GRM7: variants seen among roughly 807,000 people sequenced by gnomAD.
The protein encoded by GRM7 is glutamate metabotropic receptor 7, also known as metabotropic glutamate receptor 7.
GRM7 carries 35 observed loss-of-function variants against 84.5 expected under a neutral mutation model. The observed-to-expected ratio is 0.41, with a 90% CI of 0.32 to 0.55. GRM7 has a LOEUF of 0.55. GRM7 is among the 20% of genes least tolerant of loss of function. The pLI is 0.19. For missense variants in GRM7, 1,003 were observed against 1,194.6 expected, an observed-to-expected ratio of 0.84 and a Z score of 2.36; for synonymous variants, 487 against 455.1, an observed-to-expected ratio of 1.07 and a Z score of -0.89.
intron 9 of GRM7, among the ~76,000 whole-genome samples, chr3:7,732,981 A>G (rs1396958451): frequency 6.6e-6 from 1 of 152,188 alleles, no homozygotes; most frequent in African/African-American, 2.4e-5. Flanking sequence ...TTTAGACCAT[A>G]TAGAGTAACC....
chr3:7,488,858 C>CTTATTTATTTATTTATTTAT (rs3065639), intron 7 of GRM7, among the ~76,000 whole-genome samples: 2,435 of 147,562 alleles, frequency 0.017, 24 homozygotes, highest in East Asian at 0.029. Flanking sequence ...CTAGTAAGGT[C>CTTATTTATTTATTTATTTAT]TTATTTATTT....
In GRM7 at chr3:7,599,479, T is replaced by A. The variant is rs114702713; in HGVS notation, c.2451+20122T>A. ...GAAATCCTAGTCCTCAAAACATTTG[T>A]ATTCAGTTTTCACATTAACACCTGG... On this transcript the variant is annotated intron_variant, in intron 8 of 9. Coordinates refer to ENST00000357716, the MANE Select transcript of GRM7 (RefSeq NM_000844.4). 7.5e-3 allele frequency among the ~76,000 whole-genome samples: 1,144 copies of A among 152,238 alleles called. 12 individuals carry two copies. Among genetic ancestry groups the A allele is most frequent in the African/African-American group, 0.026 (1,087 of 41,550 alleles).
chr3:7,573,944 A>G (rs1425360023), intron 7 of GRM7, among the ~76,000 whole-genome samples: 1 of 152,194 alleles, frequency 6.6e-6, no homozygotes, highest in Admixed American at 6.5e-5. Context: ...CAATTAGTAG[A>G]TGGCCATGGA....
intron 8 of GRM7, among the ~76,000 whole-genome samples, chr3:7,618,144 C>A (rs992843586): frequency 6.6e-6 from 1 of 152,096 alleles, no homozygotes; most frequent in Admixed American, 6.6e-5. Context: ...TTATTACTTT[C>A]ATTTTTTATT....
chr3:7,426,201 C>A (rs1228158186), intron 5 of GRM7, among the ~76,000 whole-genome samples: 1 of 151,886 alleles, frequency 6.6e-6, no homozygotes, highest in Admixed American at 6.6e-5. Context: ...CTCACCACAA[C>A]CTCTGTCTCC....
chr3:7,332,807 C>A (rs1306494665), intron 4 of GRM7, among the ~76,000 whole-genome samples: 1 of 152,124 alleles, frequency 6.6e-6, no homozygotes, highest in Non-Finnish European at 1.5e-5. Context: ...CCTCAGCAAG[C>A]CCCACCCAAC....
At chr3:7,229,759 A>ATATATATATATATATATATATAT (rs1434216248) in intron 2 of GRM7, among the ~76,000 whole-genome samples, 1 of 30,436 alleles carries the variant, frequency 3.3e-5, no homozygotes, top group Non-Finnish European at 5.7e-5. Context: ...ATATATATAT[A>ATATATATATATATATATATATAT]TTTTTTTTTT....
intron 8 of GRM7, among the ~76,000 whole-genome samples, chr3:7,611,114 C>A (rs1157156942): frequency 6.6e-6 from 1 of 152,182 alleles, no homozygotes; most frequent in Admixed American, 6.6e-5. Context: ...GTATTTCAGA[C>A]CTTCTGCACA....
intron 1 of GRM7, among the ~76,000 whole-genome samples, chr3:7,007,810 A>G (rs1695231460): frequency 6.6e-6 from 1 of 152,232 alleles, no homozygotes; most frequent in Non-Finnish European, 1.5e-5. Flanking sequence ...AGTAGCTTCC[A>G]GTTTATCCCA....
intron 1 of GRM7, among the ~76,000 whole-genome samples, chr3:7,124,281 A>C (rs566733075): frequency 6.6e-6 from 1 of 152,324 alleles, no homozygotes; most frequent in African/African-American, 2.4e-5. Context: ...TGTGGAGCAT[A>C]GCATGCTTAG....
chr3:7,196,033 C>G (rs1287530940), intron 2 of GRM7, among the ~76,000 whole-genome samples: 2 of 151,922 alleles, frequency 1.3e-5, no homozygotes, highest in Non-Finnish European at 2.9e-5. Context: ...TACCTATGTA[C>G]CTACCTAATT....
At chr3:7,185,699 C>G (rs1019079996) in intron 2 of GRM7, among the ~76,000 whole-genome samples, 2 of 152,188 alleles carry the variant, frequency 1.3e-5, no homozygotes, top group Non-Finnish European at 1.5e-5. Flanking sequence ...ATGCTTGGGC[C>G]TCCCATCCTG....
rs1189479029 is a variant in GRM7, at chr3:7,486,442, G to C, written c.1515+24720G>C. ...CAGTGTTGGGAGATGATACCATTGA[G>C]AGGCAATTGGGTCATAAAGCGTACT... On this transcript the variant is annotated intron_variant, in intron 7 of 9. Coordinates refer to ENST00000357716, the MANE Select transcript of GRM7 (RefSeq NM_000844.4). This position sits in a 1 kb window ranked among gnomAD's most constrained non-coding sequence, Gnocchi z 5.5. 3.3e-5 allele frequency among the ~76,000 whole-genome samples: 5 copies of C among 152,152 alleles called. No homozygotes were observed. The highest frequency in any genetic ancestry group is 2.6e-4 in the Admixed American group (4 of 15,274).
intron 2 of GRM7, among the ~76,000 whole-genome samples, chr3:7,287,669 T>G (rs1017899027): frequency 6.6e-6 from 1 of 152,110 alleles, no homozygotes; most frequent in Non-Finnish European, 1.5e-5. Context: ...AAAGCTGGAT[T>G]TATTTGTTTC....
intron 7 of GRM7, among the ~76,000 whole-genome samples, chr3:7,552,659 C>T (rs1432558628): frequency 5.3e-5 from 8 of 152,200 alleles, no homozygotes; most frequent in Non-Finnish European, 1.2e-4. Context: ...GGGGCTTGCA[C>T]CCTCTGAAGC....
At chr3:6,969,908 CTT>C (rs1388899733) in intron 1 of GRM7, among the ~76,000 whole-genome samples, 4 of 152,176 alleles carry the variant, frequency 2.6e-5, no homozygotes, top group Non-Finnish European at 5.9e-5. Flanking sequence ...ATTGTCAACT[CTT>C]GTTTCCCCAC....
intron 8 of GRM7, among the ~76,000 whole-genome samples, chr3:7,651,220 A>G (rs1330711128): frequency 6.7e-6 from 1 of 148,538 alleles, no homozygotes; most frequent in Admixed American, 6.7e-5. Flanking sequence ...CTTATCCTGG[A>G]AAAGAATTAA....
intron 1 of GRM7, among the ~76,000 whole-genome samples, chr3:7,025,130 G>A (rs183728221): frequency 5.3e-5 from 8 of 152,236 alleles, no homozygotes; most frequent in African/African-American, 1.9e-4. Context: ...GCATCACTCA[G>A]ACACTCTCTC....
At chr3:7,348,162 A>G (rs935636263) in intron 4 of GRM7, among the ~76,000 whole-genome samples, 3 of 152,092 alleles carry the variant, frequency 2.0e-5, no homozygotes, top group Admixed American at 2.0e-4. Flanking sequence ...TCTGTTGCTT[A>G]GAAACTGCCT....
Sources: allele counts gnomAD v4.1 joint callset (sites outside exome capture counted in the v4.1 genomes callset), GRCh38; gene constraint gnomAD v4.1.1; non-coding constraint Gnocchi (gnomAD v3.1); transcripts MANE v1.5; gene names NCBI Gene and HGNC (gene_info 2026-07-23, HGNC 2026-07-21).